Variants in HIRA observed in about 807,000 individuals in gnomAD.
HIRA encodes histone cell cycle regulator, also known as protein HIRA.
Under a neutral mutation model 126.6 loss-of-function variants are expected in HIRA, and 13 were observed. That is an observed-to-expected ratio of 0.10 (90% CI 0.07 to 0.16). HIRA has a LOEUF of 0.16. Among genes scored for constraint, HIRA ranks in the 10% least tolerant of loss-of-function variants. HIRA has a pLI of 1.00. For synonymous variants in HIRA, 511 were observed against 520.0 expected, an observed-to-expected ratio of 0.98 and a Z score of 0.24; for missense variants, 834 against 1,314.4, an observed-to-expected ratio of 0.63 and a Z score of 5.65.
At chr22:19,423,498 C>CACACACACAG (rs2089464882) in intron 1 of HIRA, among the ~76,000 whole-genome samples, 2 of 111,482 alleles carry the variant, frequency 1.8e-5, no homozygotes, top group African/African-American at 6.9e-5. Context: ...CACACACACA[C>CACACACACAG]ACACACACAC....
At chr22:19,431,376 G>A (rs2146266382) in intron 1 of HIRA, 64 bp downstream of exon 1, 1 of 1,563,450 alleles carries the variant, frequency 6.4e-7, no homozygotes. Flanking sequence ...CGCGCGCCCC[G>A]ACTCGACTCC....
rs113979274 is a variant in HIRA, at chr22:19,353,730, T to C, written c.2685-211A>G. ...CATGTGCCTCCTGGCACCCTTGGGG[T>C]ATCTCACCCAGCACCTGCCATCTGG... On this transcript the variant is annotated intron_variant, in intron 22 of 24. Transcript: ENST00000263208. Among the ~76,000 whole-genome samples the C allele has an allele frequency of 9.5e-4, 144 of 152,250 alleles. 1 individual carries two copies. Among genetic ancestry groups the C allele is most frequent in the African/African-American group, 3.2e-3 (134 of 41,568 alleles).
chr22:19,335,027 G>C (rs897768387), intron 24 of HIRA, among the ~76,000 whole-genome samples: 1 of 151,904 alleles, frequency 6.6e-6, no homozygotes, highest in African/African-American at 2.4e-5. Flanking sequence ...TTTGGTGGTT[G>C]CTCTAGGGCA....
At chr22:19,388,092 T>C (rs1263519088) in intron 10 of HIRA, among the ~76,000 whole-genome samples, 2 of 152,224 alleles carry the variant, frequency 1.3e-5, no homozygotes, top group African/African-American at 4.8e-5. Context: ...TTTACTTATC[T>C]TACTTTTGAA....
At chr22:19,371,063 A>C (rs764296189) in intron 15 of HIRA, among the ~76,000 whole-genome samples, 18 of 152,268 alleles carry the variant, frequency 1.2e-4, no homozygotes, top group Non-Finnish European at 1.5e-5. Context: ...GCCACAAAGC[A>C]AACATGAGTG....
At chr22:19,367,669 G>A (rs546250116) in intron 15 of HIRA, among the ~76,000 whole-genome samples, 115 of 152,190 alleles carry the variant, frequency 7.6e-4, no homozygotes, top group African/African-American at 2.6e-3. Flanking sequence ...GCTGAGCCCG[G>A]CCAGCCTCCT....
At position 19,357,070 on chromosome 22, in the gene HIRA, G is replaced by A; in HGVS notation, c.2235-19C>T. ...CACGTCACTGAGAAGGCAGAGTGGG[G>A]GCAGGTGTCATGGGGGCTGAGTGCT... On this transcript the variant is annotated intron_variant, in intron 18 of 24. Transcript: ENST00000263208. The A allele has an allele frequency of 6.2e-7, 1 of 1,613,464 alleles. No individual in the cohort carries two copies. Among genetic ancestry groups the A allele is most frequent in the Non-Finnish European group, 8.5e-7 (1 of 1,179,696 alleles).
chr22:19,343,214 A>G lies in HIRA; in HGVS notation c.2937+8144T>C, dbSNP rs184239899. On this transcript the variant is annotated intron_variant, in intron 24 of 24. Coordinates refer to ENST00000263208, the MANE Select transcript of HIRA (RefSeq NM_003325.4). Reference sequence around the variant, plus strand: ...AAAAAGCAACTCATGTAAATAGGATATTCAATAAGATTATCAGCATAGTCA... The same window carrying G: ...AAAAAGCAACTCATGTAAATAGGATGTTCAATAAGATTATCAGCATAGTCA... Among the ~76,000 whole-genome samples, 3 of 152,286 alleles carry G rather than the reference A, an allele frequency of 2.0e-5. No individual in the cohort carries two copies. In the East Asian group the frequency reaches 5.8e-4, roughly 29 times the overall value.
intron 15 of HIRA, among the ~76,000 whole-genome samples, chr22:19,370,367 CT>C (rs2088953854): frequency 6.6e-6 from 1 of 152,168 alleles, no homozygotes; most frequent in African/African-American, 2.4e-5. Context: ...CCTCAGCCTC[CT>C]GAGTAGCTGG....
chr22:19,410,867 A>C, intron 1 of HIRA, 89 bp from the exon 2 acceptor site: 1 of 1,038,766 alleles, frequency 9.6e-7, no homozygotes, highest in Non-Finnish European at 1.5e-6. Context: ...TAAAGTCTAA[A>C]CTGCTAGAAG....
chr22:19,365,350 A>G (rs1374792153), intron 15 of HIRA, among the ~76,000 whole-genome samples: 1 of 152,240 alleles, frequency 6.6e-6, no homozygotes, highest in Non-Finnish European at 1.5e-5. Context: ...TTTCCTAGCT[A>G]GAGAAGGGAA....
intron 1 of HIRA, among the ~76,000 whole-genome samples, chr22:19,414,510 A>T (rs985764654): frequency 6.6e-6 from 1 of 152,198 alleles, no homozygotes; most frequent in Non-Finnish European, 1.5e-5. Context: ...ATGTTCTGAT[A>T]GTTCATTGGG....
chr22:19,414,997 G>A (rs1305408871), intron 1 of HIRA, among the ~76,000 whole-genome samples: 1 of 151,952 alleles, frequency 6.6e-6, no homozygotes, highest in Non-Finnish European at 1.5e-5. Context: ...CCAGGCTGGA[G>A]TGCAGTAACG....
At chr22:19,373,480 T>C (rs1453388072) in intron 15 of HIRA, among the ~76,000 whole-genome samples, 2 of 152,338 alleles carry the variant, frequency 1.3e-5, no homozygotes, top group East Asian at 3.9e-4. Context: ...TCAGTGGTAA[T>C]GCTGTACACC....
At chr22:19,335,690 G>GC (rs34489451) in intron 24 of HIRA, among the ~76,000 whole-genome samples, 54,776 of 151,822 alleles carry the variant, frequency 0.36, 12,038 homozygotes, top group Non-Finnish European at 0.49. Context: ...TTATTGAATA[G>GC]CCCCCCCTAT....
rs575761929 is a variant in HIRA, at chr22:19,357,555, G to A, written c.2235-504C>T. On this transcript the variant is annotated intron_variant, in intron 18 of 24. Coordinates refer to ENST00000263208, the MANE Select transcript of HIRA (RefSeq NM_003325.4). ...TGTGTGTCGCTCCCAAACAAGGAGT[G>A]CGTTACAGAACAGTCTGGACACTGT... Among the ~76,000 whole-genome samples the A allele has an allele frequency of 2.6e-5, 4 of 152,230 alleles. No homozygotes were observed. In the South Asian group the frequency reaches 8.3e-4, roughly 32 times the overall value.
chr22:19,347,020 G>A (rs1254642727), intron 24 of HIRA, among the ~76,000 whole-genome samples: 1 of 152,164 alleles, frequency 6.6e-6, no homozygotes, highest in Non-Finnish European at 1.5e-5. Flanking sequence ...TTACTTTCAG[G>A]CTGAGAAAGA....
intron 1 of HIRA, among the ~76,000 whole-genome samples, chr22:19,418,057 T>C (rs1292992732): frequency 6.6e-6 from 1 of 152,068 alleles, no homozygotes; most frequent in Non-Finnish European, 1.5e-5. Context: ...AAACACAAAG[T>C]AGAATGGTGG....
intron 7 of HIRA, among the ~76,000 whole-genome samples, chr22:19,395,557 C>T (rs1256122266): frequency 6.6e-6 from 1 of 152,220 alleles, no homozygotes; most frequent in East Asian, 1.9e-4. Context: ...AGCCCAGGAG[C>T]TGGTGTTGTG....
Sources: allele counts gnomAD v4.1 joint callset (sites outside exome capture counted in the v4.1 genomes callset), GRCh38; gene constraint gnomAD v4.1.1; transcripts MANE v1.5; gene names NCBI Gene and HGNC (gene_info 2026-07-23, HGNC 2026-07-21).